The following ZNRF1 variants were observed in gnomAD, a reference collection of about 807,000 sequenced individuals.
The protein encoded by ZNRF1 is zinc and ring finger 1, also known as E3 ubiquitin-protein ligase ZNRF1.
In ZNRF1, 3 loss-of-function variants were observed where a neutral mutation model predicts 18.4. That is an observed-to-expected ratio of 0.16 (90% confidence interval 0.07 to 0.42). The LOEUF (loss-of-function observed/expected upper bound fraction) is 0.42. Ranked by LOEUF, ZNRF1 falls within the 10% of genes least tolerant of loss-of-function variation. The pLI, the probability that ZNRF1 is intolerant of heterozygous loss-of-function variation, is 0.99. For missense variants in ZNRF1, 310 were observed against 329.8 expected (o/e 0.94, Z 0.47); for synonymous variants, 157 against 144.2 (o/e 1.09, Z -0.64).
Position 75,104,816 on chromosome 16 carries a change from G to T in ZNRF1, c.553G>T (p.Val185Leu). The T allele has an allele frequency of 6.2e-7, 1 of 1,610,670 alleles. No individual in the cohort carries two copies. Among genetic ancestry groups the T allele is most frequent in the Non-Finnish European group, 8.5e-7 (1 of 1,179,008 alleles). ...DVLTKDAGEC[V>L]ICLEELLQGD... Reference sequence around the variant, plus strand: ...GCTGACTAAAGACGCGGGTGAGTGTGTGATCTGCCTGGAGGAGCTGCTGCA... The same window carrying T: ...GCTGACTAAAGACGCGGGTGAGTGTTTGATCTGCCTGGAGGAGCTGCTGCA... The change falls in exon 3 of 5, where the codon GTG (valine) becomes TTG (leucine). Residue 185 changes from valine to leucine, a missense_variant. By Grantham distance (32) the Val-to-Leu change is conservative. Coordinates refer to ENST00000335325, the MANE Select transcript of ZNRF1 (RefSeq NM_032268.5).
intron 1 of ZNRF1, among the ~76,000 whole-genome samples, chr16:75,082,832 G>A (rs1010576596): frequency 1.3e-5 from 2 of 152,200 alleles, no homozygotes; most frequent in African/African-American, 4.8e-5. Context: ...GGGATTCGAG[G>A]CATGAGCCAC....
intron 1 of ZNRF1, among the ~76,000 whole-genome samples, chr16:75,017,102 C>T (rs1303471076): frequency 6.6e-6 from 1 of 152,060 alleles, no homozygotes; most frequent in African/African-American, 2.4e-5. Context: ...TTCCTGATGT[C>T]TTTGTATTGC....
At chr16:75,016,595 G>A (rs2035073718) in intron 1 of ZNRF1, among the ~76,000 whole-genome samples, 1 of 151,628 alleles carries the variant, frequency 6.6e-6, no homozygotes, top group South Asian at 2.1e-4. Flanking sequence ...GAGTGCAGTG[G>A]CCTGATCTCG....
At chr16:75,080,233 G>T (rs2035993214) in intron 1 of ZNRF1, among the ~76,000 whole-genome samples, 1 of 152,154 alleles carries the variant, frequency 6.6e-6, no homozygotes, top group South Asian at 2.1e-4. Flanking sequence ...TGGTTTTGAT[G>T]AAATGAATAC....
chr16:75,085,115 G>A (rs949660811), intron 1 of ZNRF1, among the ~76,000 whole-genome samples: 1 of 152,054 alleles, frequency 6.6e-6, no homozygotes, highest in African/African-American at 2.4e-5. Context: ...ACACATACGC[G>A]TGTGTAACCC....
At chr16:75,038,477 A>G (rs1273375134) in intron 1 of ZNRF1, among the ~76,000 whole-genome samples, 1 of 152,256 alleles carries the variant, frequency 6.6e-6, no homozygotes, top group Non-Finnish European at 1.5e-5. Context: ...TGGAAGTTAC[A>G]TGATGTGGCT....
At chr16:75,058,748 T>C (rs1464262648) in intron 1 of ZNRF1, among the ~76,000 whole-genome samples, 1 of 152,168 alleles carries the variant, frequency 6.6e-6, no homozygotes, top group Non-Finnish European at 1.5e-5. Flanking sequence ...TTGGTACTCA[T>C]CTTGCTCTGC....
chr16:75,009,415 C>T lies in ZNRF1; in HGVS notation c.424+9320C>T, dbSNP rs141356682. ...TTTGTGGCTGTCCTATTTCACTTAGCGTAGTGTCCTCAAGGTTCATCTGCA... is the reference window on the plus strand; with the variant it reads ...TTTGTGGCTGTCCTATTTCACTTAGTGTAGTGTCCTCAAGGTTCATCTGCA... On this transcript the variant is annotated intron_variant, in intron 1 of 4. Transcript: ENST00000335325. Among the ~76,000 whole-genome samples, 114 of 152,300 alleles carry T rather than the reference C, an allele frequency of 7.5e-4. 2 individuals carry two copies. The highest frequency in any genetic ancestry group is 2.6e-3 in the African/African-American group (107 of 41,566).
intron 1 of ZNRF1, among the ~76,000 whole-genome samples, chr16:75,074,412 A>G (rs1310281594): frequency 6.6e-6 from 1 of 152,200 alleles, no homozygotes; most frequent in East Asian, 1.9e-4. Context: ...TGGTGTCTAA[A>G]GGGTGTGGAG....
intron 1 of ZNRF1, among the ~76,000 whole-genome samples, chr16:75,045,083 A>G: frequency 6.6e-6 from 1 of 152,124 alleles, no homozygotes; most frequent in East Asian, 1.9e-4. Context: ...TCCTGGTTGG[A>G]TCGTGGGTGG....
chr16:75,051,531 T>A (rs12919300), intron 1 of ZNRF1, among the ~76,000 whole-genome samples: 4 of 151,008 alleles, frequency 2.6e-5, no homozygotes, highest in Admixed American at 1.3e-4. Flanking sequence ...TTTTTTTTTT[T>A]GGGGGGGACG....
intron 1 of ZNRF1, among the ~76,000 whole-genome samples, chr16:75,029,556 C>T (rs2035272392): frequency 6.6e-6 from 1 of 152,016 alleles, no homozygotes; most frequent in African/African-American, 2.4e-5. Context: ...CACTTGAGGT[C>T]AGGAGTTCAA....
At chr16:75,069,432 G>C (rs2035843201) in intron 1 of ZNRF1, among the ~76,000 whole-genome samples, 1 of 151,934 alleles carries the variant, frequency 6.6e-6, no homozygotes, top group Admixed American at 6.5e-5. Context: ...TTGTTTTTTT[G>C]AGACAGAGTC....
intron 1 of ZNRF1, among the ~76,000 whole-genome samples, chr16:75,074,460 A>G (rs1174621132): frequency 2.0e-5 from 3 of 152,124 alleles, no homozygotes; most frequent in Non-Finnish European, 4.4e-5. Flanking sequence ...GTGAATATTT[A>G]TGGGTGGATT....
chr16:75,029,913 C>G (rs983632626), intron 1 of ZNRF1, among the ~76,000 whole-genome samples: 4 of 151,632 alleles, frequency 2.6e-5, no homozygotes, highest in African/African-American at 9.7e-5. Context: ...AAAAAATTAG[C>G]CAGGTGTTGT....
chr16:75,061,242 G>T (rs751809872), intron 1 of ZNRF1, among the ~76,000 whole-genome samples: 10 of 152,148 alleles, frequency 6.6e-5, no homozygotes, highest in Non-Finnish European at 1.5e-4. Flanking sequence ...CAAATAGTAG[G>T]TCTTATTCAT....
intron 1 of ZNRF1, among the ~76,000 whole-genome samples, chr16:75,041,472 T>G (rs2035446195): frequency 6.6e-6 from 1 of 151,912 alleles, no homozygotes. Context: ...TGGGACTACG[T>G]GTGCATGCCG....
intron 1 of ZNRF1, among the ~76,000 whole-genome samples, chr16:75,059,444 C>T (rs1225799493): frequency 6.6e-6 from 1 of 151,868 alleles, no homozygotes; most frequent in Non-Finnish European, 1.5e-5. Context: ...GACAGGGTTT[C>T]ACCATGTTAG....
chr16:75,019,703 TTTTTGTTTTGTTCTG>T (rs1357075762), intron 1 of ZNRF1, among the ~76,000 whole-genome samples: 2 of 152,056 alleles, frequency 1.3e-5, no homozygotes, highest in Non-Finnish European at 1.5e-5. Flanking sequence ...CAACTTTTGA[TTTTTGTTTTGTTCTG>T]TTTTGTTTTG....
Sources: allele counts gnomAD v4.1 joint callset (sites outside exome capture counted in the v4.1 genomes callset), GRCh38; gene constraint gnomAD v4.1.1; transcripts MANE v1.5; gene names NCBI Gene and HGNC (gene_info 2026-07-23, HGNC 2026-07-21).